The following LRRC74B variants were observed in gnomAD, a reference collection of about 807,000 sequenced individuals.
The protein encoded by LRRC74B is leucine rich repeat containing 74B.
In LRRC74B, 30 loss-of-function variants were observed where a neutral mutation model predicts 16.6. The ratio of observed to expected loss-of-function variants is 1.80; its 90% CI spans 1.35 to 2.45. LRRC74B has a LOEUF of 2.45. Among genes scored for constraint, LRRC74B ranks in the 30% most tolerant of loss-of-function variants. LRRC74B has a pLI of 0.00. For missense variants in LRRC74B, 326 were observed against 202.4 expected (o/e 1.61, Z -3.71); for synonymous variants, 134 against 86.0 (o/e 1.56, Z -3.09).
At chr22:21,061,096 G>T (rs1449822164), downstream of LRRC74B, among the ~76,000 whole-genome samples, 1 of 152,170 alleles carries the variant, frequency 6.6e-6, no homozygotes, top group Non-Finnish European at 1.5e-5. Context: ...TGGAGGCCTA[G>T]GTGGGTGGAT....
chr22:21,052,379 C>T (rs1488282699), intron 5 of LRRC74B, 21 bp downstream of exon 5: 14 of 716,996 alleles, frequency 2.0e-5, no homozygotes, highest in East Asian at 1.3e-4. Flanking sequence ...CCCACCTAGT[C>T]GGCCCTACAG....
At chr22:21,058,132 C>G (rs1269159551) in intron 8 of LRRC74B, among the ~76,000 whole-genome samples, 1 of 151,418 alleles carries the variant, frequency 6.6e-6, no homozygotes, top group Admixed American at 6.6e-5. Context: ...AACTCCTGAC[C>G]TCAGGTGATC....
chr22:21,050,354 C>G (rs1929913329), intron 4 of LRRC74B, among the ~76,000 whole-genome samples: 2 of 151,932 alleles, frequency 1.3e-5, no homozygotes, highest in African/African-American at 4.8e-5. Context: ...TTTTCAGAAG[C>G]ACTCCTCTGT....
intron 4 of LRRC74B, chr22:21,049,459 A>G (rs1929796112): frequency 2.8e-6 from 1 of 353,280 alleles, no homozygotes; most frequent in Non-Finnish European, 5.1e-6. Context: ...CATTCTGAGT[A>G]ATTATTGGTG....
rs1929834241 is a variant in LRRC74B at position 21,049,753 on chromosome 22, A to G, written c.622+596A>G. 1.3e-5 allele frequency among the ~76,000 whole-genome samples: 2 copies of G among 152,088 alleles called. 1 individual carries two copies. The highest frequency in any genetic ancestry group is 4.1e-4 in the South Asian group (2 of 4,828). ...AGGGCAGAGGGGGCTGCAGGGCTGT[A>G]GGCCGTGGCAAAAACGGTGAAGATT... On this transcript the variant is annotated intron_variant, in intron 4 of 8. Transcript: ENST00000442047.
chr22:21,050,310 C>T (rs904638529), intron 4 of LRRC74B, among the ~76,000 whole-genome samples: 2 of 151,438 alleles, frequency 1.3e-5, no homozygotes, highest in South Asian at 4.2e-4. Context: ...GCTGCGATTA[C>T]AGGTGTGGGC....
At chr22:21,056,961 ATC>A (rs1760453898) in intron 7 of LRRC74B, 142 bp from the exon 8 acceptor site, 1 of 606,742 alleles carries the variant, frequency 1.6e-6, no homozygotes, top group African/African-American at 1.9e-5. Flanking sequence ...CTGTCTGACT[ATC>A]TGATGGAGAC....
chr22:21,048,646 G>T (rs1455456850), intron 3 of LRRC74B: 4 of 407,870 alleles, frequency 9.8e-6, no homozygotes, highest in South Asian at 8.9e-5. Context: ...TCTGAAGTGG[G>T]TGGTGATATC....
intron 6 of LRRC74B, 88 bp downstream of exon 6, chr22:21,053,563 C>T (rs1017854739): frequency 7.4e-5 from 48 of 652,044 alleles, no homozygotes; most frequent in East Asian, 3.6e-4. Flanking sequence ...TGGGGATTCC[C>T]GTGATGGGGC....
intron 6 of LRRC74B, 114 bp downstream of exon 6, chr22:21,053,589 A>G (rs1479673006): frequency 1.6e-6 from 1 of 621,976 alleles, no homozygotes; most frequent in African/African-American, 1.8e-5. Context: ...CCACAATCCC[A>G]GAGCAGCTCT....
chr22:21,061,432 A>G (rs1490926275), downstream of LRRC74B, among the ~76,000 whole-genome samples: 1 of 152,384 alleles, frequency 6.6e-6, no homozygotes, highest in South Asian at 2.1e-4. Flanking sequence ...TAAAAGCCAC[A>G]TGCTCAAAGA....
chr22:21,055,253 C>T, intron 7 of LRRC74B, 77 bp downstream of exon 7: 2 of 672,336 alleles, frequency 3.0e-6, no homozygotes, highest in South Asian at 3.1e-5. Context: ...TCCCCCACAG[C>T]CCCCACCCAG....
At chr22:21,048,970 C>T in exon 4 of LRRC74B, 1 of 716,314 alleles carries the variant, frequency 1.4e-6, no homozygotes, top group Non-Finnish European at 2.6e-6. Context: ...TGTCGGAGAA[C>T]CAGCTGGGAG....
At chr22:21,046,982 A>G (rs560842099) in intron 1 of LRRC74B, among the ~76,000 whole-genome samples, 13 of 151,010 alleles carry the variant, frequency 8.6e-5, no homozygotes, top group African/African-American at 3.2e-4. Flanking sequence ...AATCCCAGCT[A>G]CTCGGGAGGC....
At chr22:21,054,521 C>G (rs1239651213) in intron 6 of LRRC74B, among the ~76,000 whole-genome samples, 1 of 152,232 alleles carries the variant, frequency 6.6e-6, no homozygotes, top group Non-Finnish European at 1.5e-5. Flanking sequence ...GGCTGAGACC[C>G]TCCCCAGGGG....
At chr22:21,047,748 G>A in intron 2 of LRRC74B, 136 bp from the exon 3 acceptor site, 1 of 632,450 alleles carries the variant, frequency 1.6e-6, no homozygotes, top group Non-Finnish European at 2.9e-6. Flanking sequence ...GACCTTCACA[G>A]AGCCTAAAAG....
chr22:21,060,407 C>T, exon 9 of LRRC74B: 1 of 716,994 alleles, frequency 1.4e-6, no homozygotes, highest in South Asian at 1.5e-5. Flanking sequence ...GATGGCCTTG[C>T]TAGCTCAGTG....
downstream of LRRC74B, chr22:21,062,877 A>T (rs1043985253): frequency 2.0e-5 from 3 of 152,036 alleles, no homozygotes; most frequent in African/African-American, 4.8e-5. Flanking sequence ...AAAAACATTT[A>T]AAAATTAGCT....
intron 6 of LRRC74B, among the ~76,000 whole-genome samples, 153 bp downstream of exon 6, chr22:21,053,628 T>G (rs1328462034): frequency 6.6e-6 from 1 of 152,174 alleles, no homozygotes; most frequent in African/African-American, 2.4e-5. Flanking sequence ...GTTTATAATT[T>G]TATTTATTTA....
Sources: gnomAD v4.1 joint callset for allele counts (sites outside exome capture counted in the v4.1 genomes callset) on GRCh38, gnomAD v4.1.1 for gene constraint, MANE v1.5 for transcripts, NCBI Gene and HGNC (gene_info 2026-07-23, HGNC 2026-07-21) for gene names.